Variants in SMIM7 observed in about 807,000 individuals in gnomAD.
The protein encoded by SMIM7 is UPF0608 protein C19orf42.
In SMIM7, 12 loss-of-function variants were observed where a neutral mutation model predicts 13.3. The observed-to-expected ratio is 0.90, with a 90% CI of 0.58 to 1.46. The LOEUF (loss-of-function observed/expected upper bound fraction) is 1.46. Among genes scored for constraint, SMIM7 ranks in the 40% most tolerant of loss-of-function variants. The probability of loss-of-function intolerance (pLI) is 0.00; values close to 1 mark genes in which losing one functional copy is unlikely to be tolerated. For missense variants in SMIM7, 114 were observed against 94.8 expected (o/e 1.20, Z -0.84); for synonymous variants, 36 against 35.8 (o/e 1.01, Z -0.02).
downstream of SMIM7, among the ~76,000 whole-genome samples, chr19:16,642,491 A>C (rs1049878590): frequency 2.0e-5 from 3 of 152,078 alleles, no homozygotes; most frequent in African/African-American, 2.4e-5. Flanking sequence ...TGGAGGTTGC[A>C]GTGAACCAAG....
intron 3 of SMIM7, among the ~76,000 whole-genome samples, chr19:16,657,957 C>T (rs949281373): frequency 2.6e-5 from 4 of 152,220 alleles, no homozygotes; most frequent in Non-Finnish European, 5.9e-5. Context: ...ATCTCTTGAA[C>T]CCAGGAGCTC....
At chr19:16,639,128 T>C (rs2086383054) in intron 4 of SMIM7, among the ~76,000 whole-genome samples, 1 of 151,156 alleles carries the variant, frequency 6.6e-6, no homozygotes, top group African/African-American at 2.4e-5. Context: ...TCATTTTTTT[T>C]TTTTTTTTTT....
chr19:16,659,185 A>G, intron 3 of SMIM7: 1 of 620,010 alleles, frequency 1.6e-6, no homozygotes, highest in Non-Finnish European at 2.9e-6. Context: ...AAGGGGGCTG[A>G]GGTGGAAGGA....
At chr19:16,650,799 AC>A (rs1312956389) in intron 4 of SMIM7, among the ~76,000 whole-genome samples, 1 of 151,766 alleles carries the variant, frequency 6.6e-6, no homozygotes, top group African/African-American at 2.4e-5. Context: ...CCACAGGGTC[AC>A]CTCTCTACCC....
At chr19:16,644,169 G>A (rs1293693460), downstream of SMIM7, among the ~76,000 whole-genome samples, 1 of 135,624 alleles carries the variant, frequency 7.4e-6, no homozygotes, top group Admixed American at 8.4e-5. Context: ...CGCCTAGGCT[G>A]GAGTGCAATG....
chr19:16,659,798 G>A lies in SMIM7; in HGVS notation c.68+161C>T. On this transcript the variant is annotated intron_variant, in intron 2 of 4. Coordinates refer to ENST00000487416, the MANE Select transcript of SMIM7 (RefSeq NM_024104.4). ...GGTTTAAGGTCTCTCGGGGGGTGGG[G>A]GGCGAGGAAGATAAACCAGGCTGGA... 3 of 901,594 alleles carry A rather than the reference G, an allele frequency of 3.3e-6. No individual in the cohort carries two copies. The East Asian group carries it at 7.9e-5, about 24-fold the overall frequency. 55.8% of individuals were successfully genotyped at this position (901,594 alleles called of 1,614,324 possible). A position where few individuals can be genotyped will look rare whatever the true frequency, so the allele number is the denominator to read the frequency against.
At chr19:16,647,798 A>G (rs562155142) in intron 4 of SMIM7, among the ~76,000 whole-genome samples, 125 of 152,316 alleles carry the variant, frequency 8.2e-4, no homozygotes, top group African/African-American at 3.0e-3. Flanking sequence ...GCTGTTAAAC[A>G]AAAGATATAT....
downstream of SMIM7, chr19:16,645,737 C>T (rs556156176): frequency 6.7e-6 from 1 of 150,132 alleles, no homozygotes; most frequent in African/African-American, 2.5e-5. Context: ...TCTCAGCTCA[C>T]TGCAACCTCC....
At chr19:16,644,577 A>C (rs1216838919), downstream of SMIM7, among the ~76,000 whole-genome samples, 2 of 151,932 alleles carry the variant, frequency 1.3e-5, no homozygotes, top group African/African-American at 2.4e-5. Flanking sequence ...AGCTGGGATT[A>C]CAGGGGGCAT....
downstream of SMIM7, among the ~76,000 whole-genome samples, chr19:16,642,825 T>A (rs907011600): frequency 2.2e-5 from 2 of 90,076 alleles, no homozygotes; most frequent in African/African-American, 1.1e-4. Context: ...GACCTTATCT[T>A]TTTTTTTTTT....
At chr19:16,658,211 C>T (rs2086621766) in intron 3 of SMIM7, among the ~76,000 whole-genome samples, 1 of 152,204 alleles carries the variant, frequency 6.6e-6, no homozygotes, top group South Asian at 2.1e-4. Flanking sequence ...CCTAACGTCA[C>T]CTCTGTCACT....
intron 4 of SMIM7, among the ~76,000 whole-genome samples, chr19:16,639,590 A>G (rs1157052451): frequency 6.6e-6 from 1 of 152,174 alleles, no homozygotes; most frequent in Non-Finnish European, 1.5e-5. Flanking sequence ...CAAACTAATG[A>G]GCACAACAGC....
At chr19:16,658,282 T>C (rs949332172) in intron 3 of SMIM7, among the ~76,000 whole-genome samples, 5 of 152,342 alleles carry the variant, frequency 3.3e-5, no homozygotes, top group African/African-American at 1.2e-4. Flanking sequence ...TCTATCTGTC[T>C]TACCCCTGCT....
At chr19:16,650,374 T>A (rs748514012) in intron 4 of SMIM7, among the ~76,000 whole-genome samples, 2 of 152,226 alleles carry the variant, frequency 1.3e-5, no homozygotes, top group Admixed American at 6.5e-5. Context: ...TTCAGACTTT[T>A]CATAACTTCT....
chr19:16,655,680 C>CAAAAAAAAA (rs869256040), intron 3 of SMIM7, among the ~76,000 whole-genome samples: 11 of 38,498 alleles, frequency 2.9e-4, no homozygotes, highest in African/African-American at 4.7e-4. Context: ...GACTCCATCT[C>CAAAAAAAAA]AAAAAAAAAA....
downstream of SMIM7, chr19:16,645,570 T>A (rs78170032): frequency 6.6e-6 from 1 of 152,130 alleles, no homozygotes; most frequent in Non-Finnish European, 1.5e-5. Flanking sequence ...AAAAGTGGAC[T>A]TGACCCTGGT....
chr19:16,633,808 C>A (rs553613622), intron 4 of SMIM7: 1 of 152,076 alleles, frequency 6.6e-6, no homozygotes, highest in Non-Finnish European at 1.5e-5. Context: ...ACATTGTGAT[C>A]TTAATTATAC....
At chr19:16,642,245 G>C (rs1265789576), downstream of SMIM7, among the ~76,000 whole-genome samples, 1 of 152,168 alleles carries the variant, frequency 6.6e-6, no homozygotes, top group Non-Finnish European at 1.5e-5. Context: ...CTTTACAATG[G>C]CGTATTTGCA....
intron 4 of SMIM7, among the ~76,000 whole-genome samples, chr19:16,648,068 A>T (rs915749377): frequency 3.3e-5 from 5 of 152,202 alleles, no homozygotes; most frequent in Admixed American, 1.3e-4. Context: ...GGGTTACACA[A>T]TGATTTCTTA....
Sources: allele counts gnomAD v4.1 joint callset (sites outside exome capture counted in the v4.1 genomes callset), GRCh38; gene constraint gnomAD v4.1.1; transcripts MANE v1.5; gene names NCBI Gene and HGNC (gene_info 2026-07-23, HGNC 2026-07-21).